PTPRT: variants seen among roughly 807,000 people sequenced by gnomAD.
The protein encoded by PTPRT is receptor-type tyrosine-protein phosphatase T.
Under a neutral mutation model 176.8 loss-of-function variants are expected in PTPRT, and 56 were observed. The ratio of observed to expected loss-of-function variants is 0.32; its 90% CI spans 0.26 to 0.40. The LOEUF is 0.40. PTPRT is among the 10% of genes least tolerant of loss of function. The pLI is 1.00. For missense variants in PTPRT, 1,540 were observed against 1,908.2 expected, an observed-to-expected ratio of 0.81 and a Z score of 3.60; for synonymous variants, 783 against 739.0, an observed-to-expected ratio of 1.06 and a Z score of -0.96.
chr20:42,334,760 TCTTC>T (rs1373971734), intron 11 of PTPRT, among the ~76,000 whole-genome samples: 36 of 152,358 alleles, frequency 2.4e-4, no homozygotes. Context: ...GGTTATGTGA[TCTTC>T]CTTAATTTAT....
At chr20:42,135,965 T>C (rs956439371) in intron 18 of PTPRT, among the ~76,000 whole-genome samples, 12 of 152,252 alleles carry the variant, frequency 7.9e-5, no homozygotes, top group African/African-American at 2.9e-4. Flanking sequence ...GTCTCCAACA[T>C]TGGTCCTCAT....
Position 42,509,471 on chromosome 20 carries a change from A to T in PTPRT, c.1154-36909T>A, listed in dbSNP as rs1244789195. Among the ~76,000 whole-genome samples, 270 of 126,702 alleles carry T rather than the reference A, an allele frequency of 2.1e-3. 1 individual carries two copies. The highest frequency in any genetic ancestry group is 7.4e-3 in the African/African-American group (248 of 33,572). The allele number at this position is 126,702 out of a possible 152,430, so 83.1% of individuals were successfully genotyped here. A position where few individuals can be genotyped will look rare whatever the true frequency, so the allele number is the denominator to read the frequency against. The stretch of plus-strand genomic sequence containing the variant: ...TATTTAATTTATAGATATAAATTAT[A>T]TAATTTATATTTAATTTATAGATAT... On this transcript the variant is annotated intron_variant, in intron 7 of 30. Coordinates refer to ENST00000373187, the MANE Select transcript of PTPRT (RefSeq NM_007050.6).
chr20:42,146,159 G>T (rs1300420302), intron 17 of PTPRT, among the ~76,000 whole-genome samples: 1 of 151,954 alleles, frequency 6.6e-6, no homozygotes, highest in Non-Finnish European at 1.5e-5. Context: ...TCCCAGCCAG[G>T]TAACTCCATC....
Position 42,217,376 on chromosome 20 carries a change from TACACACACACAC to T in PTPRT, c.2343-18000_2343-17989del, listed in dbSNP as rs71335847. Among the ~76,000 whole-genome samples the T allele has an allele frequency of 1.1e-3, 110 of 104,368 alleles. 1 individual carries two copies. The highest frequency in any genetic ancestry group is 4.0e-3 in the Admixed American group (42 of 10,476). The allele number at this position is 104,368 out of a possible 152,430, so 68.5% of individuals were successfully genotyped here. Reference sequence around the variant, plus strand: ...GGGGATAGAGTGAGACTCTCAAACATACACACACACACACACACACACACACACACACACACA... The same window carrying T: ...GGGGATAGAGTGAGACTCTCAAACATACACACACACACACACACACACACA... On this transcript the variant is annotated intron_variant, in intron 15 of 30. Transcript: ENST00000373187.
At chr20:42,706,175 CTGTTTGTGTGTGTGTGTGTGTGTGTG>C (rs2076054109) in intron 6 of PTPRT, among the ~76,000 whole-genome samples, 1 of 109,280 alleles carries the variant, frequency 9.2e-6, no homozygotes. Context: ...CTCTCTCTCT[CTGTTTGTGTGTGTGTGTGTGTGTGTG>C]TGTGTGTGTG....
At chr20:42,106,419 G>A (rs1012856056) in intron 24 of PTPRT, among the ~76,000 whole-genome samples, 8 of 152,162 alleles carry the variant, frequency 5.3e-5, no homozygotes, top group African/African-American at 1.9e-4. Flanking sequence ...GGCACGTAGT[G>A]GTCACTGAAT....
rs190727521 is a variant in PTPRT, at chr20:42,497,548, G to C, written c.1154-24986C>G. Among the ~76,000 whole-genome samples, 871 of 152,056 alleles carry C rather than the reference G, an allele frequency of 5.7e-3. 11 individuals carry two copies. The highest frequency in any genetic ancestry group is 9.9e-3 in the Non-Finnish European group (670 of 67,972). On this transcript the variant is annotated intron_variant, in intron 7 of 30. Coordinates refer to ENST00000373187, the MANE Select transcript of PTPRT (RefSeq NM_007050.6). ...TCCTCCTGCCTCAGACTTCCAAGTA[G>C]CTGAGATTATAGGCACCCAACATTG...
intron 9 of PTPRT, among the ~76,000 whole-genome samples, chr20:42,418,616 T>C (rs947593919): frequency 6.6e-6 from 1 of 152,158 alleles, no homozygotes; most frequent in Non-Finnish European, 1.5e-5. Context: ...GCACTCAAAA[T>C]CAATGTCCAA....
intron 2 of PTPRT, among the ~76,000 whole-genome samples, chr20:42,794,516 A>G (rs1211497187): frequency 1.3e-5 from 2 of 152,092 alleles, no homozygotes; most frequent in Non-Finnish European, 2.9e-5. Flanking sequence ...CTATTTTCCC[A>G]TCTACCAGCT....
At chr20:43,088,345 T>TCC in intron 1 of PTPRT, among the ~76,000 whole-genome samples, 2 of 149,068 alleles carry the variant, frequency 1.3e-5, no homozygotes, top group African/African-American at 5.0e-5. Flanking sequence ...TGTGTGTGTG[T>TCC]GTGTGTGTGT....
intron 17 of PTPRT, among the ~76,000 whole-genome samples, chr20:42,157,390 G>A (rs1264235490): frequency 6.7e-6 from 1 of 149,320 alleles, no homozygotes; most frequent in African/African-American, 2.5e-5. Context: ...CTGTCCCACA[G>A]GCTGGAGTAT....
At chr20:42,851,230 A>T (rs208264) in intron 2 of PTPRT, among the ~76,000 whole-genome samples, 22,811 of 152,220 alleles carry the variant, frequency 0.15, 3,334 homozygotes, top group African/African-American at 0.38. Flanking sequence ...ATGTTGCATA[A>T]TAAATAGCAT....
At chr20:43,163,921 T>G (rs995103906) in intron 1 of PTPRT, among the ~76,000 whole-genome samples, 1 of 152,148 alleles carries the variant, frequency 6.6e-6, no homozygotes, top group Non-Finnish European at 1.5e-5. Flanking sequence ...TGTTTAAAAT[T>G]TGGACTATAC....
intron 6 of PTPRT, among the ~76,000 whole-genome samples, chr20:42,739,517 G>C (rs548405964): frequency 4.1e-4 from 62 of 152,198 alleles, no homozygotes; most frequent in African/African-American, 1.4e-3. Context: ...GAGGGAAGGG[G>C]CAGAGGCTGG....
At chr20:42,840,476 G>A (rs1025354192) in intron 2 of PTPRT, among the ~76,000 whole-genome samples, 13 of 151,988 alleles carry the variant, frequency 8.6e-5, no homozygotes, top group Admixed American at 2.0e-4. Context: ...GCAATGGTGC[G>A]ATCTTGGCTC....
At chr20:43,005,256 G>C (rs1372109096) in intron 1 of PTPRT, among the ~76,000 whole-genome samples, 1 of 152,252 alleles carries the variant, frequency 6.6e-6, no homozygotes, top group Admixed American at 6.5e-5. Flanking sequence ...GAAGTCCTGA[G>C]TGACAGTCAC....
At chr20:42,409,481 C>CAAAAAAAAAAAAAAAAAAA (rs58932390) in intron 9 of PTPRT, among the ~76,000 whole-genome samples, 2 of 112,142 alleles carry the variant, frequency 1.8e-5, no homozygotes, top group Non-Finnish European at 3.6e-5. Flanking sequence ...GACTCTGTCG[C>CAAAAAAAAAAAAAAAAAAA]AAAAAAAAAA....
intron 1 of PTPRT, among the ~76,000 whole-genome samples, chr20:43,051,713 C>T (rs770912670): frequency 2.1e-4 from 31 of 149,956 alleles, no homozygotes; most frequent in Non-Finnish European, 4.4e-4. Flanking sequence ...CTTATTGAAC[C>T]GCAGCTGTAT....
rs190441793 is a variant in PTPRT, at chr20:42,520,921, T to A, written c.1154-48359A>T. Among the ~76,000 whole-genome samples the A allele has an allele frequency of 8.6e-5, 13 of 151,514 alleles. No homozygotes were observed. The East Asian group carries it at 2.3e-3, about 27-fold the overall frequency. On this transcript the variant is annotated intron_variant, in intron 7 of 30. Transcript: ENST00000373187. ...TGCCTAAACACAAACCCATATCTAT[T>A]TATCTATCTACCTATCATCTATCTA...
Sources: gnomAD v4.1 joint callset for allele counts (sites outside exome capture counted in the v4.1 genomes callset) on GRCh38, gnomAD v4.1.1 for gene constraint, MANE v1.5 for transcripts, NCBI Gene and HGNC (gene_info 2026-07-23, HGNC 2026-07-21) for gene names.